CFAP90: variants seen among roughly 807,000 people sequenced by gnomAD.
CFAP90 encodes cilia- and flagella-associated protein 90.
chr5:7,846,075 A>G, the CFAP90 span, among the ~76,000 whole-genome samples: 1 of 152,054 alleles, frequency 6.6e-6, no homozygotes, highest in African/African-American at 2.4e-5. Context: ...CTATACTTGC[A>G]TTGGGCTTAC....
the CFAP90 span, among the ~76,000 whole-genome samples, chr5:7,845,088 CCTT>C: frequency 6.6e-6 from 1 of 152,090 alleles, no homozygotes; most frequent in Non-Finnish European, 1.5e-5. Context: ...GAAGCAAAGA[CCTT>C]CTTCACCTGC....
chr5:7,831,574 C>G, the CFAP90 span: 1 of 326,826 alleles, frequency 3.1e-6, no homozygotes, highest in African/African-American at 2.1e-5. Flanking sequence ...GAATCGGTCT[C>G]CAGATTCATT....
the CFAP90 span, among the ~76,000 whole-genome samples, chr5:7,833,066 G>T: frequency 2.6e-5 from 4 of 152,338 alleles, no homozygotes; most frequent in East Asian, 7.7e-4. Flanking sequence ...CCGTTGAAGG[G>T]AATGTCTTAG....
the CFAP90 span, chr5:7,831,627 T>C: frequency 2.2e-6 from 1 of 464,746 alleles, no homozygotes; most frequent in Non-Finnish European, 3.8e-6. Context: ...CATCAGAGAC[T>C]CTTCACATGT....
At chr5:7,843,118 C>A in the CFAP90 span, among the ~76,000 whole-genome samples, 1 of 152,160 alleles carries the variant, frequency 6.6e-6, no homozygotes, top group South Asian at 2.1e-4. Context: ...GATAAACAAC[C>A]TAATTTTAAA....
At chr5:7,851,102 G>C in the CFAP90 span, 1 of 1,226,642 alleles carries the variant, frequency 8.2e-7, no homozygotes, top group Non-Finnish European at 1.0e-6. Context: ...GCAGGCCTCA[G>C]GTTGCTCAGC....
At chr5:7,850,959 G>T in the CFAP90 span, 1 of 1,330,828 alleles carries the variant, frequency 7.5e-7, no homozygotes, top group Non-Finnish European at 9.6e-7. Context: ...GCGCCGAGAC[G>T]GGCGGCGGCC....
the CFAP90 span, among the ~76,000 whole-genome samples, chr5:7,841,957 T>C: frequency 1.3e-5 from 2 of 151,806 alleles, no homozygotes; most frequent in African/African-American, 4.8e-5. Flanking sequence ...AACCTACATA[T>C]CCTTCACAAA....
chr5:7,835,485 G>A, the CFAP90 span: 3 of 1,562,442 alleles, frequency 1.9e-6, no homozygotes, highest in Non-Finnish European at 8.7e-7. Flanking sequence ...ATCATAGAGG[G>A]AAATAATTCC....
chr5:7,850,606 C>A, the CFAP90 span, among the ~76,000 whole-genome samples: 2,206 of 144,086 alleles, frequency 0.015, 62 homozygotes, highest in East Asian at 0.049. Flanking sequence ...CCCCCAGGCC[C>A]CCTCCCCTAA....
At chr5:7,835,618 G>A in the CFAP90 span, 4 of 625,052 alleles carry the variant, frequency 6.4e-6, no homozygotes, top group Non-Finnish European at 1.1e-5. Flanking sequence ...TGGTGAGTAT[G>A]TGGTAGGAAA....
the CFAP90 span, among the ~76,000 whole-genome samples, chr5:7,832,383 C>A: frequency 6.6e-6 from 1 of 152,200 alleles, no homozygotes; most frequent in Non-Finnish European, 1.5e-5. Flanking sequence ...CAGGTCCTCC[C>A]TGACCCCTCC....
the CFAP90 span, among the ~76,000 whole-genome samples, chr5:7,834,690 AC>A: frequency 1.3e-5 from 2 of 152,078 alleles, no homozygotes; most frequent in African/African-American, 4.8e-5. Flanking sequence ...TTTTTACTGT[AC>A]CTTTTTATGT....
chr5:7,839,114 T>G, the CFAP90 span, among the ~76,000 whole-genome samples: 28 of 152,246 alleles, frequency 1.8e-4, no homozygotes, highest in Non-Finnish European at 3.1e-4. Context: ...TGCAGGGAAC[T>G]CCCCTTTTTA....
At chr5:7,845,057 A>G in the CFAP90 span, among the ~76,000 whole-genome samples, 23 of 152,314 alleles carry the variant, frequency 1.5e-4, no homozygotes, top group East Asian at 3.5e-3. Flanking sequence ...GAAACTTACA[A>G]TCATGGCAGA....
At chr5:7,843,698 A>G in the CFAP90 span, among the ~76,000 whole-genome samples, 2 of 152,170 alleles carry the variant, frequency 1.3e-5, no homozygotes, top group African/African-American at 4.8e-5. Context: ...AGCGATCCAC[A>G]GGGGCTGAAA....
At chr5:7,850,975 T>G in the CFAP90 span, 3 of 1,313,466 alleles carry the variant, frequency 2.3e-6, no homozygotes, top group Non-Finnish European at 2.9e-6. Context: ...CGGCCTGGGC[T>G]TGCCCCGCAG....
chr5:7,843,878 T>C, the CFAP90 span, among the ~76,000 whole-genome samples: 1,952 of 152,332 alleles, frequency 0.013, 33 homozygotes, highest in East Asian at 0.064. Flanking sequence ...ATTTGTGTGA[T>C]CTGTGTGTGA....
the CFAP90 span, among the ~76,000 whole-genome samples, chr5:7,835,015 G>A: frequency 4.6e-5 from 7 of 152,054 alleles, no homozygotes; most frequent in South Asian, 1.0e-3. Context: ...CTAAACCACG[G>A]CAATAAATAT....
Sources: gnomAD v4.1 joint callset for allele counts (sites outside exome capture counted in the v4.1 genomes callset) on GRCh38, gnomAD v4.1.1 for gene constraint, MANE v1.5 for transcripts, NCBI Gene and HGNC (gene_info 2026-07-23, HGNC 2026-07-21) for gene names.